VIT: variants seen among roughly 807,000 people sequenced by gnomAD.
VIT encodes the protein vitrin.
VIT carries 99 observed loss-of-function variants against 78.0 expected under a neutral mutation model. The ratio of observed to expected loss-of-function variants is 1.27; its 90% CI spans 1.08 to 1.50. The LOEUF is 1.50. VIT is among the 40% of genes most tolerant of loss of function. VIT has a pLI of 0.00. For synonymous variants in VIT, 374 were observed against 334.3 expected, an observed-to-expected ratio of 1.12 and a Z score of -1.29; for missense variants, 1,126 against 875.3, an observed-to-expected ratio of 1.29 and a Z score of -3.61.
chr2:36,708,956 C>A (rs559304337), intron 1 of VIT, among the ~76,000 whole-genome samples: 8 of 152,082 alleles, frequency 5.3e-5, no homozygotes, highest in African/African-American at 9.7e-5. Context: ...TCGAGACGAG[C>A]GTGACCAACA....
intron 12 of VIT, among the ~76,000 whole-genome samples, chr2:36,798,268 A>G (rs985852564): frequency 2.6e-5 from 4 of 152,162 alleles, no homozygotes; most frequent in African/African-American, 4.8e-5. Context: ...AACTAACACT[A>G]CAGAGACCAA....
intron 7 of VIT, among the ~76,000 whole-genome samples, chr2:36,771,996 A>G (rs1669789948): frequency 6.6e-6 from 1 of 152,246 alleles, no homozygotes; most frequent in Non-Finnish European, 1.5e-5. Flanking sequence ...TCTGTATGCC[A>G]GAATTGTATA....
At chr2:36,746,588 G>C (rs754598309) in intron 4 of VIT, among the ~76,000 whole-genome samples, 1 of 152,102 alleles carries the variant, frequency 6.6e-6, no homozygotes, top group African/African-American at 2.4e-5. Flanking sequence ...TGTGTGCACA[G>C]AAGTCTTCAA....
rs772124120 is a variant in VIT at position 36,781,716 on chromosome 2, T to C, written c.803-11T>C. On this transcript the variant is annotated splice_polypyrimidine_tract_variant and intron_variant, in intron 9 of 15. Transcript: ENST00000379242. ...GTAACAAGTTTGTTTCTTTTCAATT[T>C]TGAAAATCAGGAGAGATGGACTCAT... The C allele has an allele frequency of 6.2e-6, 10 of 1,614,006 alleles. No homozygotes were observed. The African/African-American group carries it at 1.1e-4, about 17-fold the overall frequency.
In VIT at chr2:36,814,419, C is replaced by G. The variant is rs1253036549; in HGVS notation, c.*58C>G. ...CTTTACTAACTGACGTGTTGGACCA[C>G]CCCACCGCTTAATGGGGCACGCACG... On this transcript the variant is annotated 3_prime_UTR_variant, in exon 16 of 16. Coordinates refer to ENST00000379242, the MANE Select transcript of VIT (RefSeq NM_053276.4). The G allele has an allele frequency of 1.3e-6, 2 of 1,594,792 alleles. No individual in the cohort carries two copies. Among genetic ancestry groups the G allele is most frequent in the African/African-American group, 2.7e-5 (2 of 74,712 alleles).
intron 15 of VIT, among the ~76,000 whole-genome samples, chr2:36,809,358 A>G (rs902014383): frequency 1.7e-4 from 26 of 152,164 alleles, no homozygotes; most frequent in Non-Finnish European, 3.7e-4. Context: ...CTCCATCTCT[A>G]TTGAATATGT....
chr2:36,812,933 T>A (rs1667286595), intron 15 of VIT, among the ~76,000 whole-genome samples: 2 of 144,466 alleles, frequency 1.4e-5, no homozygotes, highest in South Asian at 4.6e-4. Context: ...CCATCTCGGC[T>A]CACTGCAACC....
At chr2:36,724,425 T>C (rs1666712165) in intron 2 of VIT, among the ~76,000 whole-genome samples, 1 of 152,172 alleles carries the variant, frequency 6.6e-6, no homozygotes, top group Non-Finnish European at 1.5e-5. Flanking sequence ...GCATCAGCCA[T>C]CCATTCTGGT....
chr2:36,712,560 CG>C (rs112594397), intron 1 of VIT, among the ~76,000 whole-genome samples: 9 of 152,028 alleles, frequency 5.9e-5, no homozygotes, highest in African/African-American at 2.2e-4. Flanking sequence ...ATAATTTGGC[CG>C]GGGGTGGTGG....
At chr2:36,812,325 C>T (rs553682292) in intron 15 of VIT, among the ~76,000 whole-genome samples, 3 of 152,200 alleles carry the variant, frequency 2.0e-5, no homozygotes, top group Admixed American at 1.3e-4. Context: ...GGGGGAGGTG[C>T]CAGGGCAGGA....
intron 1 of VIT, among the ~76,000 whole-genome samples, chr2:36,702,791 G>A (rs1366895770): frequency 6.6e-6 from 1 of 152,122 alleles, no homozygotes; most frequent in Non-Finnish European, 1.5e-5. Flanking sequence ...CATGTCTATG[G>A]GTGCTGTGAA....
intron 4 of VIT, among the ~76,000 whole-genome samples, chr2:36,745,283 T>C (rs919824036): frequency 6.6e-6 from 1 of 152,160 alleles, no homozygotes; most frequent in East Asian, 1.9e-4. Context: ...TAGAGTTTTT[T>C]TGGCTCTTCA....
intron 12 of VIT, among the ~76,000 whole-genome samples, chr2:36,790,883 A>G (rs1237304728): frequency 2.1e-5 from 3 of 144,482 alleles, no homozygotes; most frequent in Non-Finnish European, 4.5e-5. Flanking sequence ...CCTAATACCA[A>G]CAGGAACACG....
chr2:36,707,363 C>T (rs1045380238), intron 1 of VIT, among the ~76,000 whole-genome samples: 1 of 152,136 alleles, frequency 6.6e-6, no homozygotes, highest in African/African-American at 2.4e-5. Flanking sequence ...AGACCCCCAA[C>T]AACCTGCCCC....
At chr2:36,776,846 T>A (rs928535533) in intron 9 of VIT, among the ~76,000 whole-genome samples, 1 of 151,652 alleles carries the variant, frequency 6.6e-6, no homozygotes, top group African/African-American at 2.4e-5. Context: ...TCCCAGCACT[T>A]TGGGAGGCCA....
chr2:36,732,944 G>A (rs1667294362), intron 3 of VIT, among the ~76,000 whole-genome samples: 1 of 152,160 alleles, frequency 6.6e-6, no homozygotes, highest in Non-Finnish European at 1.5e-5. Context: ...CCCAAGGCCT[G>A]AAGGGTAGAA....
intron 1 of VIT, among the ~76,000 whole-genome samples, chr2:36,712,314 G>A (rs1027429770): frequency 1.3e-5 from 2 of 152,194 alleles, no homozygotes; most frequent in African/African-American, 4.8e-5. Flanking sequence ...ACACTTGGGT[G>A]AGATCGCGGG....
chr2:36,751,217 G>A (rs1470010144), intron 4 of VIT, among the ~76,000 whole-genome samples: 1 of 152,172 alleles, frequency 6.6e-6, no homozygotes, highest in Non-Finnish European at 1.5e-5. Flanking sequence ...CCAACCTGGT[G>A]AAACCCCATC....
intron 1 of VIT, among the ~76,000 whole-genome samples, chr2:36,697,436 G>A (rs971330064): frequency 3.9e-5 from 6 of 152,194 alleles, no homozygotes; most frequent in East Asian, 3.9e-4. Context: ...AAACTATTTC[G>A]TGTGGATCTC....
Sources: allele counts gnomAD v4.1 joint callset (sites outside exome capture counted in the v4.1 genomes callset), GRCh38; gene constraint gnomAD v4.1.1; transcripts MANE v1.5; gene names NCBI Gene and HGNC (gene_info 2026-07-23, HGNC 2026-07-21).